SYT17: variants seen among roughly 807,000 people sequenced by gnomAD.
The protein encoded by SYT17 is synaptotagmin 17, also known as synaptotagmin-17.
In SYT17, 22 loss-of-function variants were observed where a neutral mutation model predicts 46.7. The observed-to-expected ratio is 0.47, with a 90% CI of 0.34 to 0.67. SYT17 has a LOEUF of 0.67. SYT17 is among the 30% of genes least tolerant of loss of function. The probability of loss-of-function intolerance (pLI) is 0.01; values close to 1 mark genes in which losing one functional copy is unlikely to be tolerated. For missense variants in SYT17, 519 were observed against 612.8 expected (o/e 0.85, Z 1.62); for synonymous variants, 251 against 248.4 (o/e 1.01, Z -0.10).
chr16:19,204,225 GTCACCACCCAAAATA>G (rs1965579530), intron 5 of SYT17, among the ~76,000 whole-genome samples: 1 of 152,042 alleles, frequency 6.6e-6, no homozygotes, highest in Non-Finnish European at 1.5e-5. Flanking sequence ...TCCCCGACTT[GTCACCACCCAAAATA>G]TCTCCAGACA....
chr16:19,223,260 A>T, intron 6 of SYT17, 95 bp downstream of exon 6: 1 of 1,472,318 alleles, frequency 6.8e-7, no homozygotes, highest in Non-Finnish European at 9.3e-7. Flanking sequence ...CTGGATGAGC[A>T]TTACTCATCT....
intron 7 of SYT17, among the ~76,000 whole-genome samples, chr16:19,248,546 C>T (rs1254291584): frequency 1.3e-5 from 2 of 152,194 alleles, no homozygotes; most frequent in Non-Finnish European, 1.5e-5. Flanking sequence ...CTGGGCCGGG[C>T]GTGGTGGCTC....
chr16:19,185,778 G>A (rs1384275239), intron 5 of SYT17, among the ~76,000 whole-genome samples: 1 of 152,208 alleles, frequency 6.6e-6, no homozygotes, highest in Non-Finnish European at 1.5e-5. Context: ...CGCAGCGAGG[G>A]CCTGGCGGGT....
intron 5 of SYT17, among the ~76,000 whole-genome samples, chr16:19,215,850 G>A (rs1966076757): frequency 6.6e-6 from 1 of 152,186 alleles, no homozygotes; most frequent in Non-Finnish European, 1.5e-5. Flanking sequence ...ACGTGGCTGG[G>A]GAAGCCTTGC....
intron 5 of SYT17, among the ~76,000 whole-genome samples, chr16:19,221,770 CAT>C (rs1966327342): frequency 6.6e-6 from 1 of 152,060 alleles, no homozygotes; most frequent in African/African-American, 2.4e-5. Flanking sequence ...AGATAATAGA[CAT>C]AGATAAATAG....
At chr16:19,263,656 AAAG>A (rs1490511509) in intron 7 of SYT17, among the ~76,000 whole-genome samples, 4 of 150,560 alleles carry the variant, frequency 2.7e-5, no homozygotes, top group Non-Finnish European at 5.9e-5. Context: ...AAAAAAAAAA[AAAG>A]AAAAGAAAAA....
intron 7 of SYT17, among the ~76,000 whole-genome samples, chr16:19,241,232 C>G (rs1358675853): frequency 6.6e-6 from 1 of 152,110 alleles, no homozygotes; most frequent in African/African-American, 2.4e-5. Context: ...CAGGCGTGAG[C>G]CACCGCGCCC....
chr16:19,185,474 T>C (rs565008679), intron 5 of SYT17, among the ~76,000 whole-genome samples: 139 of 151,972 alleles, frequency 9.1e-4, no homozygotes, highest in Non-Finnish European at 8.8e-4. Context: ...TCTGTAATTC[T>C]AGCTACTTGG....
At chr16:19,243,678 C>CA (rs1322212167) in intron 7 of SYT17, among the ~76,000 whole-genome samples, 2 of 151,820 alleles carry the variant, frequency 1.3e-5, no homozygotes. Flanking sequence ...ATTAGCCAGG[C>CA]ATGGTGACTC....
At chr16:19,229,461 AACTC>A (rs1367991211) in intron 7 of SYT17, among the ~76,000 whole-genome samples, 9 of 152,054 alleles carry the variant, frequency 5.9e-5, no homozygotes, top group Non-Finnish European at 1.2e-4. Context: ...ATCTCAGGAG[AACTC>A]ACTCACTATA....
chr16:19,188,946 G>A (rs1964899546), intron 5 of SYT17, among the ~76,000 whole-genome samples: 2 of 152,126 alleles, frequency 1.3e-5, no homozygotes. Flanking sequence ...GAGTGCAGTG[G>A]TGCGATCTCG....
rs138331613 is a variant in SYT17 at position 19,244,479 on chromosome 16, A to T, written c.1228+19641A>T. 5.5e-3 allele frequency among the ~76,000 whole-genome samples: 831 copies of T among 152,108 alleles called. 5 individuals carry two copies. Among genetic ancestry groups the T allele is most frequent in the Non-Finnish European group, 9.3e-3 (630 of 67,998 alleles). ...GTCCTGAGTAGCTGGGACTACAGGT[A>T]TGTGCCACCGTGCCTGCCATTTTAA... On this transcript the variant is annotated intron_variant, in intron 7 of 7. Coordinates refer to ENST00000355377, the MANE Select transcript of SYT17 (RefSeq NM_016524.4).
rs113985002 is a variant in SYT17, at chr16:19,201,759, T to G, written c.951+17612T>G. 3.9e-5 allele frequency among the ~76,000 whole-genome samples: 6 copies of G among 151,928 alleles called. 1 individual carries two copies. The highest frequency in any genetic ancestry group is 1.2e-4 in the African/African-American group (5 of 41,466). On this transcript the variant is annotated intron_variant, in intron 5 of 7. Transcript: ENST00000355377. ...GGGTAAGGGAGTAGGCTTTAAAATC[T>G]GACAGACCCAAGTTCCAGCCCTGAC...
chr16:19,249,505 TTGGAAA>T (rs745761372), intron 7 of SYT17, among the ~76,000 whole-genome samples: 2 of 152,148 alleles, frequency 1.3e-5, no homozygotes, highest in South Asian at 2.1e-4. Flanking sequence ...AATTAGATAC[TTGGAAA>T]TGGATGGATT....
intron 5 of SYT17, among the ~76,000 whole-genome samples, chr16:19,191,790 GT>G (rs1037901504): frequency 1.3e-5 from 2 of 151,740 alleles, no homozygotes; most frequent in Admixed American, 6.6e-5. Context: ...GTTTTGTTTT[GT>G]TTTTTTGTTT....
chr16:19,168,116 C>T (rs1963937208), upstream of SYT17: 1 of 158,366 alleles, frequency 6.3e-6, no homozygotes, highest in African/African-American at 2.4e-5. The surrounding 1 kb of genome is among the most constrained non-coding windows in gnomAD (Gnocchi z 6.9). Flanking sequence ...CCCCTCGGCT[C>T]CACGGCTGCC....
chr16:19,188,499 A>AC, intron 5 of SYT17, among the ~76,000 whole-genome samples: 1 of 150,228 alleles, frequency 6.7e-6, no homozygotes, highest in Non-Finnish European at 1.5e-5. Context: ...AAAGTTAAAA[A>AC]AAATTCAGTT....
intron 7 of SYT17, among the ~76,000 whole-genome samples, chr16:19,237,673 G>T (rs1966867389): frequency 6.6e-6 from 1 of 152,224 alleles, no homozygotes; most frequent in Non-Finnish European, 1.5e-5. Context: ...GCACTGCTCT[G>T]CAGGAGCAGT....
At chr16:19,225,186 C>T (rs746401489) in intron 7 of SYT17, among the ~76,000 whole-genome samples, 6 of 152,252 alleles carry the variant, frequency 3.9e-5, no homozygotes, top group South Asian at 4.1e-4. Context: ...AAATGACTTA[C>T]GACTTTGCAA....
Sources: allele counts gnomAD v4.1 joint callset (sites outside exome capture counted in the v4.1 genomes callset), GRCh38; gene constraint gnomAD v4.1.1; non-coding constraint Gnocchi (gnomAD v3.1); transcripts MANE v1.5; gene names NCBI Gene and HGNC (gene_info 2026-07-23, HGNC 2026-07-21).